Variants in EPHA6 observed in about 807,000 individuals in gnomAD.
EPHA6 encodes the protein EPH receptor A6.
A neutral mutation model predicts 112.0 loss-of-function variants in EPHA6; 50 were observed. That is an observed-to-expected ratio of 0.45 (90% CI 0.36 to 0.56). EPHA6 has a LOEUF of 0.56. EPHA6 is among the 20% of genes least tolerant of loss of function. The probability of loss-of-function intolerance (pLI) is 0.00; values close to 1 mark genes in which losing one functional copy is unlikely to be tolerated. For missense variants in EPHA6, 1,280 were observed against 1,417.4 expected (o/e 0.90, Z 1.56); for synonymous variants, 529 against 490.7 (o/e 1.08, Z -1.03).
chr3:97,527,146 C>G (rs1270020768), intron 10 of EPHA6, among the ~76,000 whole-genome samples: 2 of 152,090 alleles, frequency 1.3e-5, no homozygotes, highest in African/African-American at 2.4e-5. Context: ...GTCTGTGAAG[C>G]ACTAATGTGC....
chr3:97,197,425 G>A (rs1353692852), intron 3 of EPHA6, among the ~76,000 whole-genome samples: 1 of 151,858 alleles, frequency 6.6e-6, no homozygotes, highest in East Asian at 2.0e-4. Context: ...TAACTTCAAG[G>A]TGGTGGGTTC....
chr3:97,648,933 A>C (rs566841871), intron 14 of EPHA6, among the ~76,000 whole-genome samples: 1 of 152,126 alleles, frequency 6.6e-6, no homozygotes, highest in South Asian at 2.1e-4. Context: ...TTTTACTCTA[A>C]CTCTACCCTA....
At chr3:97,537,777 C>G (rs775950906) in intron 11 of EPHA6, among the ~76,000 whole-genome samples, 1 of 152,094 alleles carries the variant, frequency 6.6e-6, no homozygotes, top group Non-Finnish European at 1.5e-5. Context: ...CAGGGTTTCA[C>G]CATGTTGGCC....
At chr3:97,736,661 A>G (rs1325482115) in intron 16 of EPHA6, among the ~76,000 whole-genome samples, 1 of 151,836 alleles carries the variant, frequency 6.6e-6, no homozygotes, top group Non-Finnish European at 1.5e-5. Context: ...CATTCCTAAA[A>G]CCAGAAAAGA....
At chr3:96,989,563 A>G (rs535174970) in intron 3 of EPHA6, among the ~76,000 whole-genome samples, 1 of 152,188 alleles carries the variant, frequency 6.6e-6, no homozygotes, top group African/African-American at 2.4e-5. Flanking sequence ...TACTGCTATA[A>G]GAACTTCCTG....
chr3:97,202,609 C>G (rs1226607973), intron 3 of EPHA6, among the ~76,000 whole-genome samples: 2 of 152,094 alleles, frequency 1.3e-5, no homozygotes, highest in African/African-American at 2.4e-5. Flanking sequence ...GCTGGGATTA[C>G]AGGCGTAAGC....
At chr3:97,623,917 A>G (rs2093833875) in intron 13 of EPHA6, among the ~76,000 whole-genome samples, 1 of 151,636 alleles carries the variant, frequency 6.6e-6, no homozygotes, top group African/African-American at 2.4e-5. Flanking sequence ...GCTTTATACT[A>G]AGTTTTGAAA....
At chr3:97,015,022 C>T (rs1002997564) in intron 3 of EPHA6, among the ~76,000 whole-genome samples, 1 of 151,922 alleles carries the variant, frequency 6.6e-6, no homozygotes, top group Admixed American at 6.6e-5. Flanking sequence ...AACCCTCCAC[C>T]AACAAGTAAA....
intron 5 of EPHA6, among the ~76,000 whole-genome samples, chr3:97,273,187 T>C (rs1284601833): frequency 6.6e-6 from 1 of 152,146 alleles, no homozygotes; most frequent in Admixed American, 6.5e-5. Context: ...GTCTAAGAAT[T>C]GGAAGGACCC....
chr3:97,592,180 AG>A (rs1343460760), intron 11 of EPHA6, among the ~76,000 whole-genome samples: 1 of 152,236 alleles, frequency 6.6e-6, no homozygotes. Flanking sequence ...AAGCACTAAT[AG>A]AGATAGACCT....
intron 5 of EPHA6, among the ~76,000 whole-genome samples, chr3:97,292,642 G>A (rs1364333211): frequency 6.6e-6 from 1 of 152,218 alleles, no homozygotes; most frequent in Non-Finnish European, 1.5e-5. Flanking sequence ...GAGACCTGTG[G>A]TGGGTAGCTC....
intron 14 of EPHA6, among the ~76,000 whole-genome samples, chr3:97,644,488 A>G (rs1422648213): frequency 1.3e-5 from 2 of 151,968 alleles, no homozygotes; most frequent in Non-Finnish European, 2.9e-5. Context: ...CAAAAAATTA[A>G]TGAATCCAGG....
chr3:97,257,809 A>G (rs2079367199), intron 5 of EPHA6, among the ~76,000 whole-genome samples: 1 of 152,054 alleles, frequency 6.6e-6, no homozygotes, highest in Non-Finnish European at 1.5e-5. Context: ...TGTCTGTGAA[A>G]TGGAATGACA....
chr3:97,129,245 A>T (rs1343809107), intron 3 of EPHA6, among the ~76,000 whole-genome samples: 3 of 151,998 alleles, frequency 2.0e-5, no homozygotes, highest in Admixed American at 1.3e-4. Context: ...CATGCCTGTA[A>T]TCCCAGCACT....
In EPHA6 at chr3:97,390,430, T is replaced by C. The variant is rs1261691762; in HGVS notation, c.1607-14720T>C. 2.6e-5 allele frequency among the ~76,000 whole-genome samples: 4 copies of C among 151,794 alleles called. No homozygotes were observed. In the East Asian group the frequency reaches 5.8e-4, roughly 22 times the overall value. ...ATATATCCCATAGATATATGATATG[T>C]ATATTCCAGAAGGAATTTCATATAT... On this transcript the variant is annotated intron_variant, in intron 5 of 17. Transcript: ENST00000389672.
Position 97,214,574 on chromosome 3 carries a change from A to C in EPHA6, c.1115-11690A>C, listed in dbSNP as rs1237537182. Among the ~76,000 whole-genome samples, 4 of 152,044 alleles carry C rather than the reference A, an allele frequency of 2.6e-5. No homozygotes were observed. The East Asian group carries it at 7.7e-4, about 29-fold the overall frequency. The stretch of plus-strand genomic sequence containing the variant: ...CTTTAATATATATCTTTCTCTAAAA[A>C]TTTACTTTGATTTTTGCCATATGTA... On this transcript the variant is annotated intron_variant, in intron 3 of 17. Transcript: ENST00000389672.
At position 97,757,349 on chromosome 3, in the gene EPHA6, G is replaced by A. The variant is rs988537922; in HGVS notation, c.*8648G>A. 1.3e-5 allele frequency among the ~76,000 whole-genome samples: 2 copies of A among 151,626 alleles called. No individual in the cohort carries two copies. The highest frequency in any genetic ancestry group is 4.8e-5 in the African/African-American group (2 of 41,374). On this transcript the variant is annotated 3_prime_UTR_variant, in exon 18 of 18. Transcript: ENST00000389672. ...TTGATACATACAATTAGAAAGAAAT[G>A]TCATCAAAATATCAAAAATAGGAAA...
At chr3:97,428,850 T>G (rs1190667529) in intron 6 of EPHA6, among the ~76,000 whole-genome samples, 1 of 152,144 alleles carries the variant, frequency 6.6e-6, no homozygotes, top group African/African-American at 2.4e-5. Flanking sequence ...TTGGGACTCC[T>G]AAATGCCTGG....
chr3:96,846,072 G>A (rs911276017), intron 1 of EPHA6, among the ~76,000 whole-genome samples: 1 of 151,970 alleles, frequency 6.6e-6, no homozygotes, highest in African/African-American at 2.4e-5. Context: ...AGCCAAATGG[G>A]TTAATGAATA....
Sources: allele counts gnomAD v4.1 joint callset (sites outside exome capture counted in the v4.1 genomes callset), GRCh38; gene constraint gnomAD v4.1.1; transcripts MANE v1.5; gene names NCBI Gene and HGNC (gene_info 2026-07-23, HGNC 2026-07-21).